The following PAX3 variants were observed in gnomAD, a reference collection of about 807,000 sequenced individuals.
The protein encoded by PAX3 is paired box protein Pax-3.
In PAX3, 14 loss-of-function variants were observed where a neutral mutation model predicts 51.6. The ratio of observed to expected loss-of-function variants is 0.27; its 90% CI spans 0.18 to 0.42. PAX3 has a LOEUF of 0.42. Among genes scored for constraint, PAX3 ranks in the 10% least tolerant of loss-of-function variants. The pLI is 1.00. For missense variants in PAX3, 540 were observed against 642.8 expected, an observed-to-expected ratio of 0.84 and a Z score of 1.73; for synonymous variants, 280 against 253.4, an observed-to-expected ratio of 1.11 and a Z score of -1.00.
At chr2:222,235,054 G>A (rs1319775823) in intron 4 of PAX3, among the ~76,000 whole-genome samples, 1 of 152,076 alleles carries the variant, frequency 6.6e-6, no homozygotes, top group Non-Finnish European at 1.5e-5. Context: ...AAATTTTCAT[G>A]TTTCCTTTGG....
intron 4 of PAX3, among the ~76,000 whole-genome samples, chr2:222,290,843 T>C (rs974355864): frequency 4.0e-5 from 6 of 151,042 alleles, no homozygotes; most frequent in African/African-American, 1.5e-4. Flanking sequence ...TCACCGCTTT[T>C]GTGTTAAGGG....
At chr2:222,292,974 T>C (rs533796998) in intron 4 of PAX3, among the ~76,000 whole-genome samples, 1 of 152,320 alleles carries the variant, frequency 6.6e-6, no homozygotes, top group South Asian at 2.1e-4. Context: ...CATTGCTTTG[T>C]AAAGCAGCTG....
At chr2:222,275,230 T>C (rs45572334) in intron 4 of PAX3, among the ~76,000 whole-genome samples, 169 of 152,334 alleles carry the variant, frequency 1.1e-3, no homozygotes, top group Middle Eastern at 6.8e-3. Context: ...GGTATAGTTC[T>C]TCTTCCTAAC....
chr2:222,265,527 C>T (rs1259616462), intron 4 of PAX3, among the ~76,000 whole-genome samples: 1 of 152,004 alleles, frequency 6.6e-6, no homozygotes, highest in Non-Finnish European at 1.5e-5. Context: ...GTGGTGGGCG[C>T]CTGTAGTCCT....
At chr2:222,288,553 G>A (rs1472457687) in intron 4 of PAX3, among the ~76,000 whole-genome samples, 1 of 152,096 alleles carries the variant, frequency 6.6e-6, no homozygotes, top group African/African-American at 2.4e-5. Context: ...AATCTGCTAT[G>A]TTTTCATTAA....
At chr2:222,203,415 C>T (rs1691384636) in intron 7 of PAX3, among the ~76,000 whole-genome samples, 1 of 152,070 alleles carries the variant, frequency 6.6e-6, no homozygotes, top group South Asian at 2.1e-4. Context: ...TATTTAAATG[C>T]AGTATCCAAC....
chr2:222,200,053 C>A lies in PAX3; in HGVS notation c.*1355G>T. 1 of 208,104 alleles carries A rather than the reference C, an allele frequency of 4.8e-6. No homozygotes were observed. The highest frequency in any genetic ancestry group is 9.8e-6 in the Non-Finnish European group (1 of 101,794). 12.9% of individuals were successfully genotyped at this position (208,104 alleles called of 1,614,324 possible). On this transcript the variant is annotated 3_prime_UTR_variant, in exon 9 of 9. Transcript: ENST00000392070. Reference sequence around the variant, plus strand: ...ACCAATGCATGAACTAAATTCGGTACTATGTCTAGTCTCACTAACTCGCTA... The same window carrying A: ...ACCAATGCATGAACTAAATTCGGTAATATGTCTAGTCTCACTAACTCGCTA...
chr2:222,259,554 CG>C (rs1208185251), intron 4 of PAX3, among the ~76,000 whole-genome samples: 1 of 152,042 alleles, frequency 6.6e-6, no homozygotes, highest in Non-Finnish European at 1.5e-5. Context: ...GAAATAACAC[CG>C]GTTGTGTTTA....
At chr2:222,233,643 C>G (rs1371761137) in intron 4 of PAX3, among the ~76,000 whole-genome samples, 1 of 152,050 alleles carries the variant, frequency 6.6e-6, no homozygotes, top group African/African-American at 2.4e-5. Context: ...AAGAGCAGCC[C>G]TCTCCCGGGA....
chr2:222,276,130 G>A (rs1299896158), intron 4 of PAX3, among the ~76,000 whole-genome samples: 1 of 152,138 alleles, frequency 6.6e-6, no homozygotes, highest in Non-Finnish European at 1.5e-5. Context: ...GACGAAAGAG[G>A]GAATGTCACC....
intron 4 of PAX3, chr2:222,293,774 T>C: frequency 6.2e-7 from 1 of 1,614,186 alleles, no homozygotes; most frequent in Non-Finnish European, 8.5e-7. Flanking sequence ...GCATAAAAGC[T>C]ACTTCAACTT....
At chr2:222,241,808 T>G (rs1232183472) in intron 4 of PAX3, among the ~76,000 whole-genome samples, 1 of 152,232 alleles carries the variant, frequency 6.6e-6, no homozygotes, top group African/African-American at 2.4e-5. Context: ...ACAATGGGCG[T>G]TTTTAATCTC....
At chr2:222,207,703 A>T (rs1021074312) in intron 7 of PAX3, among the ~76,000 whole-genome samples, 2 of 152,134 alleles carry the variant, frequency 1.3e-5, no homozygotes, top group Admixed American at 1.3e-4. Context: ...AATTATTTTG[A>T]ATACCTATTG....
At chr2:222,289,856 G>T (rs959664716) in intron 4 of PAX3, among the ~76,000 whole-genome samples, 1 of 152,154 alleles carries the variant, frequency 6.6e-6, no homozygotes, top group African/African-American at 2.4e-5. Context: ...ATATTTCTTT[G>T]CTGAGTTTTG....
At chr2:222,205,629 T>G (rs1037661708) in intron 7 of PAX3, among the ~76,000 whole-genome samples, 17 of 152,222 alleles carry the variant, frequency 1.1e-4, no homozygotes, top group African/African-American at 3.4e-4. Context: ...TAAATAATTA[T>G]AATGTGATTT....
At chr2:222,254,496 G>A (rs1025989678) in intron 4 of PAX3, among the ~76,000 whole-genome samples, 27 of 152,140 alleles carry the variant, frequency 1.8e-4, no homozygotes, top group African/African-American at 6.5e-4. Flanking sequence ...GTTTCCCACA[G>A]TCACTAAGTA....
At chr2:222,293,526 C>G in intron 4 of PAX3, 1 of 1,160,318 alleles carries the variant, frequency 8.6e-7, no homozygotes, top group Non-Finnish European at 1.2e-6. Flanking sequence ...CTCTAAGAAC[C>G]CAGATCCCTT....
intron 4 of PAX3, among the ~76,000 whole-genome samples, chr2:222,262,094 A>G (rs1362785802): frequency 6.6e-6 from 1 of 152,248 alleles, no homozygotes; most frequent in Non-Finnish European, 1.5e-5. Flanking sequence ...ATCAGACAGT[A>G]TACGTAGACT....
At chr2:222,274,029 GA>G (rs1172248254) in intron 4 of PAX3, among the ~76,000 whole-genome samples, 2 of 152,122 alleles carry the variant, frequency 1.3e-5, no homozygotes, top group African/African-American at 4.8e-5. Flanking sequence ...CCTAATGTGA[GA>G]AATTCACTTT....
Sources: gnomAD v4.1 joint callset for allele counts (sites outside exome capture counted in the v4.1 genomes callset) on GRCh38, gnomAD v4.1.1 for gene constraint, MANE v1.5 for transcripts, NCBI Gene and HGNC (gene_info 2026-07-23, HGNC 2026-07-21) for gene names.